Variants in UBE2G1 observed in about 807,000 individuals in gnomAD.
UBE2G1 encodes ubiquitin conjugating enzyme E2 G1, also known as ubiquitin-conjugating enzyme E2 G1.
A neutral mutation model predicts 22.7 loss-of-function variants in UBE2G1; 5 were observed. That is an observed-to-expected ratio of 0.22 (90% CI 0.12 to 0.46). The LOEUF (loss-of-function observed/expected upper bound fraction) is 0.46, where lower values mean the gene tolerates loss of function less well. Ranked by LOEUF, UBE2G1 falls within the 20% of genes least tolerant of loss-of-function variation. The pLI is 0.99. For missense variants in UBE2G1, 88 were observed against 203.9 expected (o/e 0.43, Z 3.46); for synonymous variants, 74 against 67.5 (o/e 1.10, Z -0.47).
intron 5 of UBE2G1, among the ~76,000 whole-genome samples, chr17:4,274,553 GGAGA>G (rs1968799892): frequency 6.6e-6 from 1 of 152,010 alleles, no homozygotes; most frequent in African/African-American, 2.4e-5. Flanking sequence ...TCTGTTGTGG[GGAGA>G]AAGAAAGCCA....
intron 1 of UBE2G1, among the ~76,000 whole-genome samples, chr17:4,358,238 C>G (rs1447579666): frequency 6.6e-6 from 1 of 151,934 alleles, no homozygotes; most frequent in African/African-American, 2.4e-5. Context: ...TTTGTATGTC[C>G]TCTTCAGTGA....
At chr17:4,290,464 G>C (rs1340618123) in intron 3 of UBE2G1, among the ~76,000 whole-genome samples, 1 of 151,978 alleles carries the variant, frequency 6.6e-6, no homozygotes, top group Non-Finnish European at 1.5e-5. Flanking sequence ...TTTTGGTGTT[G>C]TCTGTTGTTG....
At chr17:4,364,293 C>CTTG (rs201428405) in intron 1 of UBE2G1, 1 of 120,750 alleles carries the variant, frequency 8.3e-6, no homozygotes, top group African/African-American at 2.9e-5. Flanking sequence ...CAATAAAGTT[C>CTTG]TTTTTTTTTT....
At chr17:4,325,522 C>A (rs1028164835) in intron 1 of UBE2G1, among the ~76,000 whole-genome samples, 1 of 152,122 alleles carries the variant, frequency 6.6e-6, no homozygotes, top group Non-Finnish European at 1.5e-5. Context: ...GCTTAAGAGA[C>A]TTCTAAACAA....
intron 2 of UBE2G1, chr17:4,302,076 G>A: frequency 1.9e-6 from 1 of 516,250 alleles, no homozygotes; most frequent in South Asian, 1.4e-5. Flanking sequence ...ATTAACTGAT[G>A]TAAAGGATTT....
chr17:4,301,888 A>G, intron 2 of UBE2G1: 1 of 494,774 alleles, frequency 2.0e-6, no homozygotes, highest in Non-Finnish European at 4.0e-6. Context: ...CTAAGATTGA[A>G]GCTTCGTGGG....
intron 1 of UBE2G1, among the ~76,000 whole-genome samples, chr17:4,310,610 T>C (rs902566491): frequency 2.6e-5 from 4 of 152,224 alleles, no homozygotes; most frequent in Admixed American, 6.5e-5. Flanking sequence ...AAGCCCTGCA[T>C]GCTTGGACTT....
chr17:4,276,330 G>A (rs1485422730), intron 5 of UBE2G1, among the ~76,000 whole-genome samples: 3 of 151,778 alleles, frequency 2.0e-5, no homozygotes, highest in Non-Finnish European at 4.4e-5. Context: ...GCACACCACC[G>A]TACTGGCTAA....
intron 5 of UBE2G1, among the ~76,000 whole-genome samples, chr17:4,273,050 C>T (rs1335926037): frequency 6.6e-6 from 1 of 152,214 alleles, no homozygotes; most frequent in East Asian, 1.9e-4. Context: ...ATTTTCTCCA[C>T]AAAGCCTGCC....
chr17:4,352,339 CCTGT>C (rs1164718351), intron 1 of UBE2G1, among the ~76,000 whole-genome samples: 2 of 152,202 alleles, frequency 1.3e-5, no homozygotes, highest in Admixed American at 1.3e-4. Flanking sequence ...AAGCGATCCT[CCTGT>C]CTTAGTCTCC....
chr17:4,354,698 A>ATGGTGGACACACACAT (rs1969884799), intron 1 of UBE2G1, among the ~76,000 whole-genome samples: 3 of 152,154 alleles, frequency 2.0e-5, no homozygotes, highest in Admixed American at 2.0e-4. Context: ...ACATGGTTCA[A>ATGGTGGACACACACAT]GGTGGGAGGA....
chr17:4,305,266 T>C (rs1251192322), intron 2 of UBE2G1, among the ~76,000 whole-genome samples: 1 of 152,206 alleles, frequency 6.6e-6, no homozygotes, highest in African/African-American at 2.4e-5. Flanking sequence ...TTCTATGAAG[T>C]ACATGGTTCT....
chr17:4,336,484 A>G (rs1969648647), intron 1 of UBE2G1, among the ~76,000 whole-genome samples: 1 of 152,168 alleles, frequency 6.6e-6, no homozygotes, highest in Non-Finnish European at 1.5e-5. Context: ...CTATAAAGAT[A>G]TGTTATAAAA....
intron 1 of UBE2G1, among the ~76,000 whole-genome samples, chr17:4,346,189 A>C (rs1465718065): frequency 6.6e-6 from 1 of 152,134 alleles, no homozygotes; most frequent in African/African-American, 2.4e-5. Context: ...CACTAATTAA[A>C]TAAACATCAA....
intron 1 of UBE2G1, among the ~76,000 whole-genome samples, chr17:4,338,219 GA>G (rs536084639): frequency 6.7e-5 from 10 of 149,352 alleles, no homozygotes; most frequent in East Asian, 1.9e-4. Flanking sequence ...GATGGGAGGG[GA>G]AAAAAAACAG....
At chr17:4,319,916 C>T (rs531779890) in intron 1 of UBE2G1, among the ~76,000 whole-genome samples, 1 of 151,992 alleles carries the variant, frequency 6.6e-6, no homozygotes, top group African/African-American at 2.4e-5. Context: ...GTTACCAACC[C>T]CATGTAAATG....
At chr17:4,280,033 T>TA (rs959954059) in intron 5 of UBE2G1, among the ~76,000 whole-genome samples, 1 of 151,204 alleles carries the variant, frequency 6.6e-6, no homozygotes, top group African/African-American at 2.4e-5. Context: ...TTTAGATAGA[T>TA]AGACTTTTTT....
chr17:4,304,108 C>G (rs1286564513), intron 2 of UBE2G1, among the ~76,000 whole-genome samples: 1 of 152,176 alleles, frequency 6.6e-6, no homozygotes, highest in Non-Finnish European at 1.5e-5. Context: ...ACTGCAGCCT[C>G]CACCTCCTGG....
chr17:4,285,508 T>C (rs1968951732), intron 4 of UBE2G1, among the ~76,000 whole-genome samples: 1 of 152,084 alleles, frequency 6.6e-6, no homozygotes. Flanking sequence ...CCACATACCC[T>C]AAAACATTAC....
Sources: allele counts gnomAD v4.1 joint callset (sites outside exome capture counted in the v4.1 genomes callset), GRCh38; gene constraint gnomAD v4.1.1; transcripts MANE v1.5; gene names NCBI Gene and HGNC (gene_info 2026-07-23, HGNC 2026-07-21).